JUP: variants seen among roughly 807,000 people sequenced by gnomAD.
JUP encodes junction plakoglobin.
Under a neutral mutation model 71.1 loss-of-function variants are expected in JUP, and 28 were observed. The ratio of observed to expected loss-of-function variants is 0.39; its 90% CI spans 0.29 to 0.54. JUP has a LOEUF of 0.54. Among genes scored for constraint, JUP ranks in the 20% least tolerant of loss-of-function variants. The pLI is 0.62. For synonymous variants in JUP, 401 were observed against 438.9 expected, an observed-to-expected ratio of 0.91 and a Z score of 1.08; for missense variants, 869 against 1,030.1, an observed-to-expected ratio of 0.84 and a Z score of 2.14.
chr17:41,764,820 G>A lies in JUP; in HGVS notation c.1055-4C>T, dbSNP rs781854188. The A allele has an allele frequency of 1.2e-6, 2 of 1,613,642 alleles. No individual in the cohort carries two copies. The highest frequency in any genetic ancestry group is 1.1e-5 in the South Asian group (1 of 91,052). On this transcript the variant is annotated splice_region_variant and splice_polypyrimidine_tract_variant and intron_variant, in intron 6 of 13. Coordinates refer to ENST00000393931, the MANE Select transcript of JUP (RefSeq NM_002230.4). ...TTGCCCAGGGCCTGCATCCCACCTGGGGCAGGGATAGGGGTGCCATCAGCC... is the reference window on the plus strand; with the variant it reads ...TTGCCCAGGGCCTGCATCCCACCTGAGGCAGGGATAGGGGTGCCATCAGCC...
intron 7 of JUP, 123 bp downstream of exon 7, chr17:41,764,590 A>G (rs1915397983): frequency 1.4e-6 from 1 of 696,294 alleles, no homozygotes; most frequent in East Asian, 2.7e-5. Context: ...TTCCAGCCTC[A>G]GTCACAAGGA....
intron 8 of JUP, among the ~76,000 whole-genome samples, chr17:41,760,950 T>A (rs1914708183): frequency 6.6e-6 from 1 of 152,164 alleles, no homozygotes; most frequent in African/African-American, 2.4e-5. Flanking sequence ...TCATCGATGG[T>A]AGCTTCCTCA....
intron 2 of JUP, 115 bp from the exon 3 acceptor site, chr17:41,769,792 C>T: frequency 1.7e-6 from 2 of 1,184,964 alleles, no homozygotes; most frequent in South Asian, 2.9e-5. Context: ...CTTGCCCTGC[C>T]CAAACCCCCA....
chr17:41,760,174 T>C (rs1237881140), intron 8 of JUP, among the ~76,000 whole-genome samples: 1 of 151,226 alleles, frequency 6.6e-6, no homozygotes, highest in African/African-American at 2.4e-5. Flanking sequence ...AAAATAATAA[T>C]AATAATAAAA....
intron 10 of JUP, 24 bp downstream of exon 10, chr17:41,758,375 C>T (rs1914225148): frequency 2.5e-6 from 4 of 1,612,194 alleles, no homozygotes; most frequent in Non-Finnish European, 3.4e-6. Flanking sequence ...GGGGACCTCT[C>T]CTGCCCACCT....
chr17:41,779,790 C>T (rs552037595), intron 1 of JUP, among the ~76,000 whole-genome samples: 3 of 151,906 alleles, frequency 2.0e-5, no homozygotes, highest in Admixed American at 1.3e-4. Context: ...CTCAGCCTCC[C>T]GAGTAGCTAG....
At position 41,762,123 on chromosome 17, in the gene JUP, CAGAGAGAGAGAGAGAGAGAG is replaced by C. The variant is rs528611507; in HGVS notation, c.1497+840_1497+859del. Among the ~76,000 whole-genome samples, 52 of 69,204 alleles carry C rather than the reference CAGAGAGAGAGAGAGAGAGAG, an allele frequency of 7.5e-4. No individual in the cohort carries two copies. In the East Asian group the frequency reaches 7.7e-3, roughly 10 times the overall value. 45.4% of individuals were successfully genotyped at this position (69,204 alleles called of 152,430 possible). A position where few individuals can be genotyped will look rare whatever the true frequency, so the allele number is the denominator to read the frequency against. On this transcript the variant is annotated intron_variant, in intron 8 of 13. Coordinates refer to ENST00000393931, the MANE Select transcript of JUP (RefSeq NM_002230.4). ...CCTCTGCAGCAGGCCTGCAGAGAGA[CAGAGAGAGAGAGAGAGAGAG>C]AGAGAGAGAGAGAGAGAGAGAGAGA...
rs139311421 is a variant in JUP, at chr17:41,765,200, G to T, written c.910-133C>A. 130 of 892,408 alleles carry T rather than the reference G, an allele frequency of 1.5e-4. No individual in the cohort carries two copies. In the African/African-American group the frequency reaches 2.0e-3, roughly 14 times the overall value. The allele number at this position is 892,408 out of a possible 1,614,324, so 55.3% of individuals were successfully genotyped here. ...GAATAGTTCGTTTTTTTCTTTTAAT[G>T]TATTTTTTTCTTTTTATAAAGATGG... On this transcript the variant is annotated intron_variant, in intron 5 of 13. Transcript: ENST00000393931.
chr17:41,764,665 G>C (rs375536237), intron 7 of JUP, 48 bp downstream of exon 7: 1 of 1,484,542 alleles, frequency 6.7e-7, no homozygotes, highest in Non-Finnish European at 9.4e-7. Context: ...CAGGAGGCTG[G>C]ATGGGGCAGC....
At chr17:41,771,084 CAGT>C (rs1327042450) in intron 2 of JUP, among the ~76,000 whole-genome samples, 2 of 152,244 alleles carry the variant, frequency 1.3e-5, no homozygotes, top group African/African-American at 4.8e-5. Flanking sequence ...GGCTGGAGTG[CAGT>C]GGCGCAATCT....
chr17:41,762,166 AGAGAGAGAGAGTGTGT>A (rs1405726280), intron 8 of JUP, among the ~76,000 whole-genome samples: 195 of 66,886 alleles, frequency 2.9e-3, no homozygotes, highest in Non-Finnish European at 3.7e-3. Context: ...AGAGAGAGAG[AGAGAGAGAGAGTGTGT>A]GTGTGTGTGT....
chr17:41,783,661 C>CT (rs1246078904), intron 1 of JUP, among the ~76,000 whole-genome samples: 1 of 151,818 alleles, frequency 6.6e-6, no homozygotes, highest in African/African-American at 2.4e-5. Context: ...TGGCTCACGC[C>CT]TGTAATCCCA....
intron 3 of JUP, 102 bp from the exon 4 acceptor site, chr17:41,769,309 G>T: frequency 6.5e-7 from 1 of 1,548,870 alleles, no homozygotes; most frequent in East Asian, 2.2e-5. Flanking sequence ...TCACACACGG[G>T]AGAGTCTGGG....
chr17:41,786,010 CG>C (rs560258194), intron 1 of JUP: 1 of 152,374 alleles, frequency 6.6e-6, no homozygotes, highest in East Asian at 1.9e-4. Flanking sequence ...GGACTCCGTG[CG>C]CTCACCTGCT....
intron 1 of JUP, among the ~76,000 whole-genome samples, chr17:41,782,510 C>A (rs929162320): frequency 6.6e-6 from 1 of 152,190 alleles, no homozygotes; most frequent in Admixed American, 6.5e-5. Flanking sequence ...TACACATGAA[C>A]AAGCCCAGAA....
At chr17:41,771,102 T>C (rs890972281) in intron 2 of JUP, among the ~76,000 whole-genome samples, 4 of 152,164 alleles carry the variant, frequency 2.6e-5, no homozygotes, top group Non-Finnish European at 5.9e-5. Context: ...CAATCTCAGC[T>C]CACTCCAACC....
chr17:41,777,636 T>C (rs1042593326), intron 1 of JUP, among the ~76,000 whole-genome samples: 4 of 152,210 alleles, frequency 2.6e-5, no homozygotes, highest in African/African-American at 7.2e-5. Flanking sequence ...AAGCTGGTCT[T>C]AGGCTTCCGG....
At position 41,765,653 on chromosome 17, in the gene JUP, C is replaced by G. The variant is rs542591283; in HGVS notation, c.910-586G>C. 5.9e-5 allele frequency among the ~76,000 whole-genome samples: 9 copies of G among 152,188 alleles called. No homozygotes were observed. The South Asian group carries it at 1.9e-3, about 32-fold the overall frequency. ...CAGGCGTGAACCACCACACCCAGCC[C>G]ACCCCAATAGTTTCATGACTGTTAT... On this transcript the variant is annotated intron_variant, in intron 5 of 13. Transcript: ENST00000393931.
Position 41,769,577 on chromosome 17 carries a change from G to T in JUP, c.309C>A (p.Ala103=). 6.2e-7 allele frequency: 1 copy of T among 1,607,026 alleles called. No homozygotes were observed. Among genetic ancestry groups the T allele is most frequent in the Non-Finnish European group, 8.5e-7 (1 of 1,177,514 alleles). ...VSGEDSSLLL[A]TQVEGQATNL... is the part of the protein sequence containing the mutation. ...TGGTGGCCTGCCCCTCCACCTGGGT[G>T]GCCAGCAGAAGCGAGCTGTCCTCGC... Residue 103 remains alanine (A), a synonymous_variant, in exon 3 of 14, where the codon GCC becomes GCA. Transcript: ENST00000393931.
Sources: allele counts gnomAD v4.1 joint callset (sites outside exome capture counted in the v4.1 genomes callset), GRCh38; gene constraint gnomAD v4.1.1; transcripts MANE v1.5; gene names NCBI Gene and HGNC (gene_info 2026-07-23, HGNC 2026-07-21).